NRXN3: variants seen among roughly 807,000 people sequenced by gnomAD.
NRXN3 encodes the protein neurexin III.
In NRXN3, 32 loss-of-function variants were observed where a neutral mutation model predicts 137.6. That is an observed-to-expected ratio of 0.23 (90% confidence interval 0.18 to 0.31). NRXN3 has a LOEUF of 0.31. Ranked by LOEUF, NRXN3 falls within the 10% of genes least tolerant of loss-of-function variation. The probability of loss-of-function intolerance (pLI) is 1.00; values close to 1 mark genes in which losing one functional copy is unlikely to be tolerated. For synonymous variants in NRXN3, 798 were observed against 784.5 expected, an observed-to-expected ratio of 1.02 and a Z score of -0.29; for missense variants, 1,574 against 2,062.5, an observed-to-expected ratio of 0.76 and a Z score of 4.59.
chr14:79,573,937 T>C (rs1273955692), intron 16 of NRXN3, among the ~76,000 whole-genome samples: 1 of 152,024 alleles, frequency 6.6e-6, no homozygotes, highest in Non-Finnish European at 1.5e-5. Context: ...ACAATAATAA[T>C]GTATTATTAT....
chr14:79,663,247 CGTGTGT>C (rs145244363), intron 16 of NRXN3, among the ~76,000 whole-genome samples: 4 of 149,470 alleles, frequency 2.7e-5, no homozygotes, highest in Non-Finnish European at 5.9e-5. Flanking sequence ...TGTGTGTACG[CGTGTGT>C]GTGTGTGTGT....
At chr14:79,631,085 A>C (rs2098339637) in intron 16 of NRXN3, among the ~76,000 whole-genome samples, 1 of 152,084 alleles carries the variant, frequency 6.6e-6, no homozygotes, top group South Asian at 2.1e-4. Flanking sequence ...TCATCCATTG[A>C]CTCATTTATT....
At chr14:79,153,236 C>T (rs1269465387) in intron 15 of NRXN3, among the ~76,000 whole-genome samples, 1 of 151,984 alleles carries the variant, frequency 6.6e-6, no homozygotes, top group Non-Finnish European at 1.5e-5. Context: ...CTGTTAAACA[C>T]AGCTATTTTC....
intron 19 of NRXN3, among the ~76,000 whole-genome samples, chr14:79,766,838 A>G (rs1725377786): frequency 6.6e-6 from 1 of 152,224 alleles, no homozygotes; most frequent in Non-Finnish European, 1.5e-5. Context: ...AGATTGCCAC[A>G]TGCACAGAAT....
At chr14:79,857,601 T>TC (rs5809967) in intron 20 of NRXN3, among the ~76,000 whole-genome samples, 133,292 of 152,008 alleles carry the variant, frequency 0.88, 58,509 homozygotes, top group East Asian at 1. Flanking sequence ...GTGCCTTTGA[T>TC]CCCCCAGGAC....
chr14:79,745,222 T>TCAGAGAGGATCTGC (rs2098975996), intron 19 of NRXN3, among the ~76,000 whole-genome samples: 1 of 152,104 alleles, frequency 6.6e-6, no homozygotes, highest in South Asian at 2.1e-4. Context: ...TCTGCCATCC[T>TCAGAGAGGATCTGC]CAGAAATAGG....
chr14:78,854,116 A>T (rs1232389532), intron 10 of NRXN3, among the ~76,000 whole-genome samples: 1 of 152,198 alleles, frequency 6.6e-6, no homozygotes, highest in Non-Finnish European at 1.5e-5. Context: ...AGCCAAAGTC[A>T]AGCATCCTCT....
intron 15 of NRXN3, among the ~76,000 whole-genome samples, chr14:79,423,702 A>T (rs886519696): frequency 2.0e-5 from 3 of 152,236 alleles, no homozygotes; most frequent in African/African-American, 7.2e-5. Flanking sequence ...AATTGGGCAT[A>T]ACTGCTTTCT....
intron 9 of NRXN3, among the ~76,000 whole-genome samples, chr14:78,807,977 T>C (rs1243738548): frequency 1.3e-5 from 2 of 151,986 alleles, no homozygotes; most frequent in Non-Finnish European, 2.9e-5. Context: ...TTGACTCATA[T>C]TTTTTATTTA....
At chr14:78,675,428 A>T (rs1391543433) in intron 6 of NRXN3, among the ~76,000 whole-genome samples, 1 of 152,232 alleles carries the variant, frequency 6.6e-6, no homozygotes, top group South Asian at 2.1e-4. Flanking sequence ...AGCCAAGTGC[A>T]TGGATCCAGG....
At chr14:79,703,477 A>ATAAG (rs750604824) in intron 19 of NRXN3, among the ~76,000 whole-genome samples, 2 of 152,100 alleles carry the variant, frequency 1.3e-5, no homozygotes, top group East Asian at 1.9e-4. Context: ...AGCTGTATGT[A>ATAAG]TAAGTCTGTT....
At chr14:79,497,438 CTTAT>C (rs1282894449) in intron 16 of NRXN3, among the ~76,000 whole-genome samples, 4 of 152,076 alleles carry the variant, frequency 2.6e-5, no homozygotes, top group Non-Finnish European at 5.9e-5. Context: ...CAAATGTTAC[CTTAT>C]TAATGAAGAC....
chr14:79,779,349 G>A (rs891005955), intron 19 of NRXN3, among the ~76,000 whole-genome samples: 2 of 152,060 alleles, frequency 1.3e-5, no homozygotes, highest in Non-Finnish European at 2.9e-5. Flanking sequence ...CCGACCTCAG[G>A]TGATCCGCCC....
At chr14:79,523,754 G>A (rs2097092823) in intron 16 of NRXN3, among the ~76,000 whole-genome samples, 1 of 152,198 alleles carries the variant, frequency 6.6e-6, no homozygotes, top group Non-Finnish European at 1.5e-5. Context: ...GACTAAGGTG[G>A]TTGTATAAGT....
At chr14:79,845,913 G>A (rs1246765005) in intron 20 of NRXN3, among the ~76,000 whole-genome samples, 4 of 145,254 alleles carry the variant, frequency 2.8e-5, no homozygotes, top group Middle Eastern at 3.7e-3. Flanking sequence ...AGAGAGAGAC[G>A]GAGACAGAGA....
intron 19 of NRXN3, among the ~76,000 whole-genome samples, chr14:79,766,066 TG>T (rs776986011): frequency 2.0e-5 from 3 of 152,210 alleles, no homozygotes; most frequent in East Asian, 3.8e-4. Context: ...ACATGTTCTT[TG>T]GTTATTCTCA....
intron 10 of NRXN3, among the ~76,000 whole-genome samples, chr14:78,849,403 C>G (rs1264616282): frequency 6.6e-6 from 1 of 151,978 alleles, no homozygotes; most frequent in East Asian, 1.9e-4. Flanking sequence ...GCTGAAGGAC[C>G]AATGGCAGGA....
intron 4 of NRXN3, among the ~76,000 whole-genome samples, chr14:78,636,577 G>A (rs78867347): frequency 0.013 from 1,908 of 152,236 alleles, 56 homozygotes; most frequent in African/African-American, 0.044. Flanking sequence ...ATGTTCTCGT[G>A]GAGTCACGGG....
intron 15 of NRXN3, among the ~76,000 whole-genome samples, chr14:79,392,135 C>T (rs2094868087): frequency 6.6e-6 from 1 of 152,134 alleles, no homozygotes; most frequent in Admixed American, 6.5e-5. Flanking sequence ...TAATGCTCTC[C>T]CTCCCCTAAC....
Sources: gnomAD v4.1 joint callset for allele counts (sites outside exome capture counted in the v4.1 genomes callset) on GRCh38, gnomAD v4.1.1 for gene constraint, MANE v1.5 for transcripts, NCBI Gene and HGNC (gene_info 2026-07-23, HGNC 2026-07-21) for gene names.